Variants in PRELID2 observed in about 807,000 individuals in gnomAD.
The protein encoded by PRELID2 is PRELI domain containing 2.
Under a neutral mutation model 28.4 loss-of-function variants are expected in PRELID2, and 25 were observed. The observed-to-expected ratio is 0.88, with a 90% confidence interval of 0.64 to 1.23. The LOEUF is 1.23. PRELID2 is among the 50% of genes most tolerant of loss of function. The probability of loss-of-function intolerance (pLI) is 0.00; values close to 1 mark genes in which losing one functional copy is unlikely to be tolerated. For missense variants in PRELID2, 201 were observed against 214.4 expected (o/e 0.94, Z 0.39); for synonymous variants, 76 against 71.6 (o/e 1.06, Z -0.31).
At chr5:145,288,515 C>A in the PRELID2 span, among the ~76,000 whole-genome samples, 2 of 151,982 alleles carry the variant, frequency 1.3e-5, no homozygotes, top group Admixed American at 6.6e-5. Flanking sequence ...TCTGCCAGAA[C>A]CTTAGAATCA....
chr5:145,432,430 TAA>T, the PRELID2 span, among the ~76,000 whole-genome samples: 4 of 133,452 alleles, frequency 3.0e-5, no homozygotes, highest in Non-Finnish European at 6.3e-5. Flanking sequence ...CTCAAGTTGT[TAA>T]AAAAAAAAAA....
chr5:145,555,509 T>A (rs1752873417), intron 1 of PRELID2, among the ~76,000 whole-genome samples: 1 of 152,232 alleles, frequency 6.6e-6, no homozygotes, highest in Admixed American at 6.5e-5. Context: ...AGTATTATTG[T>A]CTTCCCTGTT....
the PRELID2 span, among the ~76,000 whole-genome samples, chr5:145,462,752 T>G: frequency 6.6e-6 from 1 of 152,228 alleles, no homozygotes; most frequent in South Asian, 2.1e-4. Flanking sequence ...CTGTGCCCAC[T>G]GTCTACCGAA....
At chr5:145,399,086 T>G in the PRELID2 span, among the ~76,000 whole-genome samples, 3 of 152,162 alleles carry the variant, frequency 2.0e-5, no homozygotes, top group Non-Finnish European at 4.4e-5. Flanking sequence ...AACACCAGAC[T>G]GTACCCAGAA....
chr5:145,800,997 G>A (rs539019818), intron 4 of PRELID2, among the ~76,000 whole-genome samples: 21 of 152,116 alleles, frequency 1.4e-4, no homozygotes, highest in Middle Eastern at 3.4e-3. Context: ...ACAGACGGAC[G>A]GATGAACAGA....
chr5:145,330,142 A>G, the PRELID2 span, among the ~76,000 whole-genome samples: 1 of 152,114 alleles, frequency 6.6e-6, no homozygotes, highest in Non-Finnish European at 1.5e-5. Context: ...CATGGTGGAT[A>G]AGCTTTTTGA....
chr5:145,726,269 A>C (rs1756153480), intron 1 of PRELID2, among the ~76,000 whole-genome samples: 3 of 138,568 alleles, frequency 2.2e-5, no homozygotes, highest in South Asian at 2.4e-4. Flanking sequence ...CGGAGGGGGA[A>C]AGAGAGAAAG....
chr5:145,550,753 C>T (rs1457357202), intron 1 of PRELID2, among the ~76,000 whole-genome samples: 3 of 152,196 alleles, frequency 2.0e-5, no homozygotes, highest in South Asian at 2.1e-4. Flanking sequence ...CACAAGCTAG[C>T]GATTCTTGAT....
intron 1 of PRELID2, among the ~76,000 whole-genome samples, chr5:145,601,203 G>A (rs1753391089): frequency 6.6e-6 from 1 of 151,948 alleles, no homozygotes; most frequent in African/African-American, 2.4e-5. Flanking sequence ...AAATATTTTG[G>A]AAAAATAATG....
chr5:145,324,240 T>G, the PRELID2 span, among the ~76,000 whole-genome samples: 282 of 152,224 alleles, frequency 1.9e-3, 8 homozygotes, highest in East Asian at 0.045. Context: ...CATTGTAGGG[T>G]GGAAAGAATC....
At chr5:145,241,095 G>A in the PRELID2 span, among the ~76,000 whole-genome samples, 1 of 152,020 alleles carries the variant, frequency 6.6e-6, no homozygotes, top group African/African-American at 2.4e-5. Context: ...CCCATAAAGT[G>A]GACACAGAAC....
the PRELID2 span, among the ~76,000 whole-genome samples, chr5:145,431,014 T>TG: frequency 5.7e-5 from 8 of 140,386 alleles, no homozygotes; most frequent in Admixed American, 4.2e-4. Context: ...TGGTTTTTTT[T>TG]TTTTTTTTTT....
the PRELID2 span, among the ~76,000 whole-genome samples, chr5:145,401,341 TAAG>T: frequency 6.6e-6 from 1 of 152,030 alleles, no homozygotes; most frequent in Non-Finnish European, 1.5e-5. Context: ...CTAATCAAGT[TAAG>T]AAGGAGAGTA....
rs11368542 is a variant in PRELID2, at chr5:145,803,735, T to TAAAAAAA, written c.369-7195_369-7189dup. On this transcript the variant is annotated intron_variant, in intron 4 of 6. Coordinates refer to ENST00000683046, the MANE Select transcript of PRELID2 (RefSeq NM_205846.3). ...CCACCATTATTATTCCAATTTAAAG[T>TAAAAAAA]AAAAAAAAAAAAAAAAAGCACAGTG... Among the ~76,000 whole-genome samples, 2 of 134,756 alleles carry TAAAAAAA rather than the reference T, an allele frequency of 1.5e-5. 1 individual carries two copies. Among genetic ancestry groups the TAAAAAAA allele is most frequent in the African/African-American group, 5.6e-5 (2 of 35,956 alleles). The allele number at this position is 134,756 out of a possible 152,430, so 88.4% of individuals were successfully genotyped here.
chr5:145,325,973 A>G, the PRELID2 span, among the ~76,000 whole-genome samples: 1 of 152,162 alleles, frequency 6.6e-6, no homozygotes, highest in African/African-American at 2.4e-5. Context: ...ACGTGAAAAT[A>G]TATTTACAGA....
chr5:145,251,272 G>C, the PRELID2 span, among the ~76,000 whole-genome samples: 3 of 152,122 alleles, frequency 2.0e-5, no homozygotes, highest in African/African-American at 7.2e-5. Context: ...GCTGAGCATA[G>C]TAAATTATTT....
intron 1 of PRELID2, among the ~76,000 whole-genome samples, chr5:145,638,353 G>A (rs1476933171): frequency 6.6e-6 from 1 of 152,062 alleles, no homozygotes; most frequent in Non-Finnish European, 1.5e-5. Flanking sequence ...CATACTCAAA[G>A]CTGCTTTTAT....
intron 1 of PRELID2, among the ~76,000 whole-genome samples, chr5:145,473,780 A>G (rs1302478574): frequency 6.6e-6 from 1 of 152,214 alleles, no homozygotes; most frequent in Non-Finnish European, 1.5e-5. Context: ...TGTGACCTTA[A>G]GTCTTCAGAT....
chr5:145,719,267 A>C (rs1299859819), intron 1 of PRELID2, among the ~76,000 whole-genome samples: 1 of 151,946 alleles, frequency 6.6e-6, no homozygotes, highest in Non-Finnish European at 1.5e-5. Flanking sequence ...GAGAAAGAGA[A>C]GGCCTATACT....
Sources: gnomAD v4.1 joint callset for allele counts (sites outside exome capture counted in the v4.1 genomes callset) on GRCh38, gnomAD v4.1.1 for gene constraint, MANE v1.5 for transcripts, NCBI Gene and HGNC (gene_info 2026-07-23, HGNC 2026-07-21) for gene names.